Variants in PCED1B observed in about 807,000 individuals in gnomAD.
PCED1B encodes PC-esterase domain containing 1B, also known as PC-esterase domain-containing protein 1B.
For synonymous variants in PCED1B, 251 were observed against 246.1 expected (o/e 1.02, Z -0.19); for missense variants, 573 against 573.9 (o/e 1.00, Z 0.02).
rs760513118 is a variant in PCED1B, at chr12:47,235,778, T to C, written c.715T>C (p.Cys239Arg). 6.3e-7 allele frequency: 1 copy of C among 1,589,204 alleles called. No individual in the cohort carries two copies. Among genetic ancestry groups the C allele is most frequent in the Non-Finnish European group, 8.6e-7 (1 of 1,168,014 alleles). Residue 239 changes from cysteine (C) to arginine (R), a missense_variant, in exon 4 of 4, where the codon TGC (cysteine) becomes CGC (arginine). Physicochemically the swap from Cys to Arg is radical, Grantham distance 180. Transcript: ENST00000546455. ...GCACTGGAATGGACGTGTGCACCGC[T>C]GCCTCTCCCAGCTGCTGCTGGCCCA... ...GVHWNGRVHRCLSQLLLAHVA... is the reference protein window; with the variant it reads ...GVHWNGRVHRRLSQLLLAHVA...
intron 1 of PCED1B, among the ~76,000 whole-genome samples, chr12:47,102,193 G>A (rs1294665596): frequency 6.6e-6 from 1 of 152,130 alleles, no homozygotes; most frequent in East Asian, 1.9e-4. Context: ...TTAAATACTA[G>A]AAGTCATTTC....
chr12:47,101,334 T>C (rs1355331858), intron 1 of PCED1B, among the ~76,000 whole-genome samples: 1 of 152,190 alleles, frequency 6.6e-6, no homozygotes, highest in Admixed American at 6.5e-5. Context: ...TGTTAGTCAC[T>C]GTGATACCAC....
intron 2 of PCED1B, among the ~76,000 whole-genome samples, chr12:47,169,088 AC>A (rs2137540320): frequency 6.6e-6 from 1 of 152,350 alleles, no homozygotes; most frequent in Non-Finnish European, 1.5e-5. Context: ...AGAAAAGAAT[AC>A]AAATTTATTT....
Position 47,235,855 on chromosome 12 carries a change from G to A in PCED1B, c.792G>A (p.Glu264=). 1.3e-6 allele frequency: 2 copies of A among 1,577,240 alleles called. No homozygotes were observed. Among genetic ancestry groups the A allele is most frequent in the East Asian group, 2.3e-5 (1 of 42,578 alleles). The change falls in exon 4 of 4, where the codon GAG becomes GAA. Residue 264 remains glutamate, a synonymous_variant. Transcript: ENST00000546455. ...TGCCCCACCGCCACCCCGTGGGCGA[G>A]TGGATCAAGAAGAAAAAACCTGGCC... ...VELPHRHPVG[E]WIKKKKPGPR...
intron 2 of PCED1B, chr12:47,135,662 G>A: frequency 1.9e-6 from 1 of 516,698 alleles, no homozygotes; most frequent in Non-Finnish European, 3.9e-6. Flanking sequence ...ACTTCACAGA[G>A]TAGATGAATG....
At chr12:47,157,449 G>A (rs1941230498) in intron 2 of PCED1B, among the ~76,000 whole-genome samples, 1 of 152,056 alleles carries the variant, frequency 6.6e-6, no homozygotes, top group East Asian at 1.9e-4. Context: ...AATTGGCCAG[G>A]CATGGTTGTG....
chr12:47,119,566 T>C (rs550076505), intron 2 of PCED1B, among the ~76,000 whole-genome samples: 3 of 152,212 alleles, frequency 2.0e-5, no homozygotes, highest in South Asian at 2.1e-4. Context: ...TTAAAAACTT[T>C]TGTGCTTCAA....
At chr12:47,156,685 C>T (rs1308602849) in intron 2 of PCED1B, among the ~76,000 whole-genome samples, 3 of 152,080 alleles carry the variant, frequency 2.0e-5, no homozygotes, top group African/African-American at 7.2e-5. Context: ...ATCCTTTCCT[C>T]CATTCAGTAT....
chr12:47,222,477 T>C (rs1333913983), intron 3 of PCED1B, among the ~76,000 whole-genome samples: 2 of 146,188 alleles, frequency 1.4e-5, no homozygotes, highest in African/African-American at 5.1e-5. Flanking sequence ...GGGGCCTGCA[T>C]AGACTGCTTT....
At chr12:47,080,565 G>A (rs1937647935) in intron 1 of PCED1B, among the ~76,000 whole-genome samples, 1 of 152,092 alleles carries the variant, frequency 6.6e-6, no homozygotes, top group Non-Finnish European at 1.5e-5. Context: ...AAGTAACCGG[G>A]AAATCGCCAC....
intron 1 of PCED1B, among the ~76,000 whole-genome samples, chr12:47,094,420 T>C (rs867459122): frequency 1.3e-5 from 2 of 152,186 alleles, no homozygotes; most frequent in African/African-American, 4.8e-5. Flanking sequence ...ACTGACATCA[T>C]TGGGCTTATA....
intron 2 of PCED1B, among the ~76,000 whole-genome samples, chr12:47,161,827 G>A (rs181988507): frequency 1.7e-3 from 259 of 152,170 alleles, no homozygotes; most frequent in African/African-American, 4.9e-3. Context: ...TGTTTATTGC[G>A]GCACTATTCA....
rs139454525 is a variant in PCED1B, at chr12:47,225,677, C to T, written c.-58+8988C>T. Among the ~76,000 whole-genome samples, 700 of 152,204 alleles carry T rather than the reference C, an allele frequency of 4.6e-3. 11 individuals are homozygous for T. The highest frequency in any genetic ancestry group is 0.015 in the African/African-American group (637 of 41,534). On this transcript the variant is annotated intron_variant, in intron 3 of 3. Transcript: ENST00000546455. ...ACTATTGGTTAGATCCCCCAAAATG[C>T]GGTTATAAGGAAATGAACCATTTAT...
intron 2 of PCED1B, among the ~76,000 whole-genome samples, chr12:47,127,952 T>C (rs564087667): frequency 6.6e-6 from 1 of 152,348 alleles, no homozygotes; most frequent in East Asian, 1.9e-4. Context: ...CATTTTTGCA[T>C]TATGATACCG....
At chr12:47,177,709 T>A (rs1941968605) in intron 2 of PCED1B, among the ~76,000 whole-genome samples, 1 of 152,176 alleles carries the variant, frequency 6.6e-6, no homozygotes, top group Admixed American at 6.5e-5. Flanking sequence ...ATCCCAGCAC[T>A]TTGGGAGGCC....
intron 3 of PCED1B, among the ~76,000 whole-genome samples, chr12:47,222,278 C>T (rs1943504926): frequency 6.6e-6 from 1 of 151,612 alleles, no homozygotes; most frequent in Admixed American, 6.6e-5. Flanking sequence ...AAAAATTAGC[C>T]GGGCGTGGTA....
At chr12:47,092,449 A>G (rs1408771483) in intron 1 of PCED1B, among the ~76,000 whole-genome samples, 1 of 151,972 alleles carries the variant, frequency 6.6e-6, no homozygotes, top group Non-Finnish European at 1.5e-5. Context: ...TTGAATGTGC[A>G]TGATCTTATT....
Position 47,103,923 on chromosome 12 carries a change from G to A in PCED1B, c.-608-190G>A, listed in dbSNP as rs1329018878. 3.3e-5 allele frequency among the ~76,000 whole-genome samples: 5 copies of A among 152,262 alleles called. No individual in the cohort carries two copies. The East Asian group carries it at 7.7e-4, about 23-fold the overall frequency. On this transcript the variant is annotated intron_variant, in intron 1 of 3. Coordinates refer to ENST00000546455, the MANE Select transcript of PCED1B (RefSeq NM_138371.3). ...TTATGTGACTTTAATTAGTGACCCC[G>A]ATGGCCCCTGTGCATCCAGATGAGT...
intron 2 of PCED1B, among the ~76,000 whole-genome samples, chr12:47,113,178 G>C (rs1017881316): frequency 6.6e-6 from 1 of 152,186 alleles, no homozygotes; most frequent in African/African-American, 2.4e-5. Context: ...TAAAGAAGTA[G>C]GGGAGAGGAT....
Sources: gnomAD v4.1 joint callset for allele counts (sites outside exome capture counted in the v4.1 genomes callset) on GRCh38, gnomAD v4.1.1 for gene constraint, MANE v1.5 for transcripts, NCBI Gene and HGNC (gene_info 2026-07-23, HGNC 2026-07-21) for gene names.